The following DHX57 variants were observed in gnomAD, a reference collection of about 807,000 sequenced individuals.
The protein encoded by DHX57 is putative ATP-dependent RNA helicase DHX57.
In DHX57, 105 loss-of-function variants were observed where a neutral mutation model predicts 156.2. That is an observed-to-expected ratio of 0.67 (90% CI 0.57 to 0.79). The LOEUF is 0.79. DHX57 is among the 30% of genes least tolerant of loss of function. The pLI, the probability that DHX57 is intolerant of heterozygous loss-of-function variation, is 0.00. For missense variants in DHX57, 1,847 were observed against 1,661.9 expected (o/e 1.11, Z -1.94); for synonymous variants, 704 against 595.6 (o/e 1.18, Z -2.65).
chr2:38,864,302 T>C (rs118093767), intron 2 of DHX57, among the ~76,000 whole-genome samples: 2,224 of 151,098 alleles, frequency 0.015, 121 homozygotes, highest in Admixed American at 0.092. Context: ...TCCAGCACTT[T>C]AAGAGGCTGA....
At chr2:38,871,585 G>A (rs560055671) in intron 1 of DHX57, among the ~76,000 whole-genome samples, 3 of 152,180 alleles carry the variant, frequency 2.0e-5, no homozygotes, top group Non-Finnish European at 4.4e-5. Context: ...AATGGAGGCT[G>A]GGAAGTCCAA....
chr2:38,818,368 T>C (rs3099972), intron 19 of DHX57, among the ~76,000 whole-genome samples: 54,863 of 151,636 alleles, frequency 0.36, 10,227 homozygotes, highest in Non-Finnish European at 0.39. Context: ...CTACTAAAAA[T>C]ACAAAAAAAT....
chr2:38,823,163 G>C lies in DHX57; in HGVS notation c.3121C>G (p.Arg1041Gly). 1.9e-6 allele frequency: 3 copies of C among 1,614,144 alleles called. No individual in the cohort carries two copies. The highest frequency in any genetic ancestry group is 1.7e-6 in the Non-Finnish European group (2 of 1,180,024). ...TCTGGAGTTAATGCTCCTAAGTCTC[G>C]TAATCGTATTTTTGAGGCACGAAGA... is the stretch of plus-strand genomic sequence containing the variant. ...DSLRASKIRL[R>G]DLGALTPDER... The change falls in exon 17 of 24, where the codon CGA becomes GGA. Residue 1041 changes from arginine to glycine, a missense_variant. Arg to Gly is a moderately radical substitution (Grantham distance 125, BLOSUM62 -2). Transcript: ENST00000457308.
intron 17 of DHX57, among the ~76,000 whole-genome samples, chr2:38,820,047 T>C (rs924021732): frequency 1.3e-5 from 2 of 152,230 alleles, no homozygotes; most frequent in Non-Finnish European, 2.9e-5. Context: ...TAGTTTCTCA[T>C]GGCAATCTAA....
At chr2:38,831,088 T>C (rs907493912) in intron 13 of DHX57, among the ~76,000 whole-genome samples, 2 of 151,502 alleles carry the variant, frequency 1.3e-5, no homozygotes, top group African/African-American at 4.8e-5. Context: ...ATTAAAAAAA[T>C]TATTTATTAA....
chr2:38,854,934 T>A, intron 8 of DHX57, 123 bp downstream of exon 8: 1 of 897,586 alleles, frequency 1.1e-6, no homozygotes, highest in East Asian at 2.4e-5. Context: ...AAGGTAATCA[T>A]TAATTTAAAA....
chr2:38,862,075 G>T, intron 4 of DHX57, 70 bp downstream of exon 4: 1 of 1,482,436 alleles, frequency 6.7e-7, no homozygotes, highest in Non-Finnish European at 9.1e-7. Context: ...ACAAAGAGGG[G>T]TAGTGGGTTT....
At chr2:38,811,752 G>C (rs1572626606) in intron 21 of DHX57, 1 of 517,982 alleles carries the variant, frequency 1.9e-6, no homozygotes, top group African/African-American at 1.9e-5. Context: ...AGGCAACAGA[G>C]CAGGGCCCAC....
chr2:38,802,637 G>T, intron 23 of DHX57, 78 bp downstream of exon 23: 1 of 1,550,778 alleles, frequency 6.4e-7, no homozygotes, highest in African/African-American at 1.4e-5. Context: ...CTAGAGGAAT[G>T]CCCTTGACTT....
chr2:38,875,921 T>A lies in DHX57; in HGVS notation c.-141A>T, dbSNP rs35431974. The A allele has an allele frequency of 2.5e-6, 1 of 396,816 alleles. No individual in the cohort carries two copies. The highest frequency in any genetic ancestry group is 2.1e-5 in the African/African-American group (1 of 48,558). The allele number at this position is 396,816 out of a possible 1,614,324, so 24.6% of individuals were successfully genotyped here. A position where few individuals can be genotyped will look rare whatever the true frequency, so the allele number is the denominator to read the frequency against. ...CGGTGGCCCAGCTGCAGCGGCACAG[T>A]CCCGGCGCCTTCTGATTGGCTCAGC... On this transcript the variant is annotated 5_prime_UTR_variant, in exon 1 of 24. Coordinates refer to ENST00000457308, the MANE Select transcript of DHX57 (RefSeq NM_198963.3).
chr2:38,832,417 G>C (rs940027214), intron 13 of DHX57, among the ~76,000 whole-genome samples: 2 of 151,824 alleles, frequency 1.3e-5, no homozygotes, highest in African/African-American at 4.8e-5. Context: ...CCATTGCCTG[G>C]GTGACAGAGA....
chr2:38,824,502 A>C (rs954812938), intron 16 of DHX57, among the ~76,000 whole-genome samples: 1 of 149,360 alleles, frequency 6.7e-6, no homozygotes, highest in African/African-American at 2.5e-5. Context: ...GGTAGATCTC[A>C]TATTAAGTAT....
intron 9 of DHX57, among the ~76,000 whole-genome samples, chr2:38,849,280 A>AT (rs1672456386): frequency 6.6e-6 from 1 of 152,226 alleles, no homozygotes; most frequent in Non-Finnish European, 1.5e-5. Flanking sequence ...TCTAAGACAT[A>AT]TTTTTAGTAG....
intron 21 of DHX57, among the ~76,000 whole-genome samples, chr2:38,812,439 G>C (rs1196095136): frequency 6.6e-6 from 1 of 152,214 alleles, no homozygotes; most frequent in Non-Finnish European, 1.5e-5. Context: ...TGCCTTGTTA[G>C]GGATGGATAA....
intron 23 of DHX57, among the ~76,000 whole-genome samples, chr2:38,800,211 G>A (rs1319031812): frequency 1.4e-4 from 21 of 150,966 alleles, no homozygotes; most frequent in East Asian, 7.8e-4. Context: ...AAAAATAGCC[G>A]GGCTTGGTGG....
intron 2 of DHX57, among the ~76,000 whole-genome samples, chr2:38,865,208 A>C (rs1167121307): frequency 6.6e-6 from 1 of 152,124 alleles, no homozygotes; most frequent in East Asian, 1.9e-4. Flanking sequence ...TGCAAGTCAA[A>C]TCTCATCTTC....
chr2:38,806,874 T>G (rs1013262101), intron 21 of DHX57, among the ~76,000 whole-genome samples, 181 bp from the exon 22 acceptor site: 11 of 151,774 alleles, frequency 7.2e-5, no homozygotes, highest in Non-Finnish European at 1.6e-4. Context: ...GCTTTTTTTT[T>G]TTTTTTTCCA....
At position 38,858,618 on chromosome 2, in the gene DHX57, A is replaced by G. The variant is rs766619165; in HGVS notation, c.1587+43T>C. The G allele has an allele frequency of 2.6e-6, 4 of 1,563,632 alleles. No individual in the cohort carries two copies. In the South Asian group the frequency reaches 3.6e-5, roughly 14 times the overall value. On this transcript the variant is annotated intron_variant, in intron 6 of 23. Transcript: ENST00000457308. ...CCTAATTCCTAATCCCATCATCCAG[A>G]TATTAGGGAGGCAACGTTACTCATT...
intron 21 of DHX57, chr2:38,811,579 C>T: frequency 7.3e-7 from 1 of 1,364,064 alleles, no homozygotes; most frequent in Non-Finnish European, 1.0e-6. Context: ...TAGCCTTGTT[C>T]CTTCAGCCAC....
Sources: gnomAD v4.1 joint callset for allele counts (sites outside exome capture counted in the v4.1 genomes callset) on GRCh38, gnomAD v4.1.1 for gene constraint, MANE v1.5 for transcripts, NCBI Gene and HGNC (gene_info 2026-07-23, HGNC 2026-07-21) for gene names.